The following MAP2 variants were observed in gnomAD, a reference collection of about 807,000 sequenced individuals.
The protein encoded by MAP2 is microtubule-associated protein 2.
Under a neutral mutation model 137.6 loss-of-function variants are expected in MAP2, and 14 were observed. That is an observed-to-expected ratio of 0.10 (90% CI 0.07 to 0.16). MAP2 has a LOEUF of 0.16. MAP2 is among the 10% of genes least tolerant of loss of function. The pLI is 1.00. For synonymous variants in MAP2, 786 were observed against 782.3 expected (o/e 1.00, Z -0.08); for missense variants, 2,088 against 2,191.5 (o/e 0.95, Z 0.94).
intron 2 of MAP2, among the ~76,000 whole-genome samples, chr2:209,545,108 G>T (rs77772825): frequency 0.027 from 4,113 of 152,124 alleles, 190 homozygotes; most frequent in African/African-American, 0.094. Context: ...TCTTTTTTTG[G>T]TGGGTGGGGG....
chr2:209,585,725 A>G (rs1171883038), intron 3 of MAP2, among the ~76,000 whole-genome samples: 1 of 152,172 alleles, frequency 6.6e-6, no homozygotes, highest in African/African-American at 2.4e-5. Context: ...CTGTAGTGGA[A>G]TAGTTTGTAT....
chr2:209,702,283 G>A (rs117894708), intron 11 of MAP2, among the ~76,000 whole-genome samples: 12 of 152,028 alleles, frequency 7.9e-5, no homozygotes, highest in East Asian at 3.9e-4. Context: ...GTAAATGCCC[G>A]TCTTGTCTTT....
In MAP2 at chr2:209,697,070, A is replaced by G; in HGVS notation, c.4522+19A>G. On this transcript the variant is annotated intron_variant, in intron 10 of 15. Coordinates refer to ENST00000682079, the MANE Select transcript of MAP2 (RefSeq NM_001375505.1). ...ACCACAGGTGACTGTTCAATTCTGCAATGTGACTGGCAAACATAGACATGT... is the reference window on the plus strand; with the variant it reads ...ACCACAGGTGACTGTTCAATTCTGCGATGTGACTGGCAAACATAGACATGT... 6.4e-7 allele frequency: 1 copy of G among 1,566,822 alleles called. No homozygotes were observed. The highest frequency in any genetic ancestry group is 8.6e-7 in the Non-Finnish European group (1 of 1,164,344).
At chr2:209,550,080 T>C (rs1445104900) in intron 2 of MAP2, among the ~76,000 whole-genome samples, 1 of 152,244 alleles carries the variant, frequency 6.6e-6, no homozygotes, top group Non-Finnish European at 1.5e-5. Context: ...AACATTTTGT[T>C]AATTCCTTAT....
chr2:209,563,724 T>C (rs2072736194), intron 2 of MAP2, among the ~76,000 whole-genome samples: 2 of 152,226 alleles, frequency 1.3e-5, no homozygotes, highest in Admixed American at 1.3e-4. Context: ...AAATTCCTCA[T>C]AGAGGTTTTG....
chr2:209,500,991 T>C (rs2060309056), intron 1 of MAP2, among the ~76,000 whole-genome samples: 1 of 139,018 alleles, frequency 7.2e-6, no homozygotes, highest in African/African-American at 2.7e-5. Context: ...TGAGCCATGA[T>C]CATTCCAATG....
At chr2:209,580,284 A>C (rs2153397200) in intron 3 of MAP2, among the ~76,000 whole-genome samples, 184 bp downstream of exon 3, 1 of 152,300 alleles carries the variant, frequency 6.6e-6, no homozygotes, top group Middle Eastern at 3.4e-3. Context: ...TGATTAGAGG[A>C]TGACTAAAGA....
intron 3 of MAP2, among the ~76,000 whole-genome samples, chr2:209,594,727 C>A (rs10179388): frequency 0.064 from 9,782 of 152,186 alleles, 566 homozygotes; most frequent in African/African-American, 0.15. Flanking sequence ...GCACTACAAT[C>A]TTTTCCACTT....
intron 1 of MAP2, among the ~76,000 whole-genome samples, chr2:209,458,967 A>G (rs1020167458): frequency 2.0e-5 from 3 of 152,250 alleles, no homozygotes; most frequent in Non-Finnish European, 4.4e-5. Flanking sequence ...TAAAGTGCTT[A>G]GAAAGGTAAT....
intron 2 of MAP2, among the ~76,000 whole-genome samples, chr2:209,529,451 T>G (rs989669241): frequency 4.6e-5 from 7 of 152,100 alleles, no homozygotes; most frequent in African/African-American, 1.7e-4. Context: ...CATTGCTGGG[T>G]GTAAGTGAGA....
chr2:209,602,109 A>T (rs2083189306), intron 3 of MAP2, among the ~76,000 whole-genome samples: 1 of 152,166 alleles, frequency 6.6e-6, no homozygotes, highest in South Asian at 2.1e-4. Context: ...TTTGAATTTT[A>T]TCTAGTTTGG....
At chr2:209,578,876 G>A (rs2075773287) in intron 2 of MAP2, among the ~76,000 whole-genome samples, 1 of 150,304 alleles carries the variant, frequency 6.7e-6, no homozygotes, top group Admixed American at 6.6e-5. Flanking sequence ...GCTTTTGTAT[G>A]TAAATAGATT....
intron 2 of MAP2, among the ~76,000 whole-genome samples, chr2:209,509,173 A>G (rs536651631): frequency 3.3e-5 from 5 of 152,006 alleles, no homozygotes; most frequent in Admixed American, 2.0e-4. Context: ...ACAATTTGCA[A>G]TCTCATCTTG....
intron 1 of MAP2, among the ~76,000 whole-genome samples, chr2:209,434,656 A>C (rs1468722508): frequency 6.6e-6 from 1 of 151,162 alleles, no homozygotes; most frequent in Non-Finnish European, 1.5e-5. Flanking sequence ...AAATCTACAA[A>C]ATAATTTTTT....
intron 1 of MAP2, among the ~76,000 whole-genome samples, chr2:209,444,177 T>C (rs1381719042): frequency 6.6e-6 from 1 of 151,512 alleles, no homozygotes; most frequent in East Asian, 1.9e-4. Context: ...ACCAGCAAAG[T>C]AGTCAGAAGT....
intron 1 of MAP2, among the ~76,000 whole-genome samples, chr2:209,445,977 A>C (rs12694181): frequency 6.6e-6 from 1 of 151,578 alleles, no homozygotes; most frequent in Non-Finnish European, 1.5e-5. Flanking sequence ...AAAATCAATG[A>C]TCCATCACAA....
intron 1 of MAP2, among the ~76,000 whole-genome samples, chr2:209,483,531 G>A (rs998496830): frequency 6.6e-6 from 1 of 152,144 alleles, no homozygotes; most frequent in Non-Finnish European, 1.5e-5. Context: ...CTATGATTTT[G>A]CCACCACACT....
chr2:209,597,704 T>C (rs2081653104), intron 3 of MAP2, among the ~76,000 whole-genome samples: 1 of 152,230 alleles, frequency 6.6e-6, no homozygotes, highest in African/African-American at 2.4e-5. Context: ...AGGTCCATCC[T>C]GAGTTGATCT....
intron 2 of MAP2, among the ~76,000 whole-genome samples, chr2:209,557,406 GA>G (rs898505235): frequency 2.0e-5 from 3 of 152,066 alleles, no homozygotes; most frequent in East Asian, 1.9e-4. Context: ...TAGACAGCAG[GA>G]AAAAAATGTG....
Sources: allele counts gnomAD v4.1 joint callset (sites outside exome capture counted in the v4.1 genomes callset), GRCh38; gene constraint gnomAD v4.1.1; transcripts MANE v1.5; gene names NCBI Gene and HGNC (gene_info 2026-07-23, HGNC 2026-07-21).